ITFG1: variants seen among roughly 807,000 people sequenced by gnomAD.
The protein encoded by ITFG1 is T-cell immunomodulatory protein.
In ITFG1, 34 loss-of-function variants were observed where a neutral mutation model predicts 81.8. That is an observed-to-expected ratio of 0.42 (90% confidence interval 0.32 to 0.55). ITFG1 has a LOEUF of 0.55. Ranked by LOEUF, ITFG1 falls within the 20% of genes least tolerant of loss-of-function variation. The pLI, the probability that ITFG1 is intolerant of heterozygous loss-of-function variation, is 0.17. For synonymous variants in ITFG1, 285 were observed against 270.6 expected (o/e 1.05, Z -0.52); for missense variants, 672 against 755.4 (o/e 0.89, Z 1.29).
In ITFG1 at chr16:47,359,253, ACT is replaced by A. The variant is rs201084895; in HGVS notation, c.802+6533_802+6534del. ...TTAAACAAGGACATGCTAATATCCA[ACT>A]CTGTGTCTCTCCAGAGCTTTTATCT... On this transcript the variant is annotated intron_variant, in intron 8 of 17. Transcript: ENST00000320640. 7.4e-3 allele frequency among the ~76,000 whole-genome samples: 1,130 copies of A among 152,116 alleles called. 18 individuals carry two copies. The highest frequency in any genetic ancestry group is 0.026 in the African/African-American group (1,072 of 41,466).
At chr16:47,388,000 C>G (rs577482820) in intron 6 of ITFG1, among the ~76,000 whole-genome samples, 1 of 150,038 alleles carries the variant, frequency 6.7e-6, no homozygotes, top group Admixed American at 6.6e-5. Flanking sequence ...ATAAAATATC[C>G]ATAGACAGAA....
intron 8 of ITFG1, among the ~76,000 whole-genome samples, chr16:47,341,009 GA>G (rs769764104): frequency 1.4e-4 from 21 of 152,014 alleles, no homozygotes; most frequent in Non-Finnish European, 2.6e-4. Context: ...AATCACAATG[GA>G]ATGAAGCAAA....
chr16:47,383,086 A>T (rs1968415542), intron 6 of ITFG1, among the ~76,000 whole-genome samples: 2 of 152,222 alleles, frequency 1.3e-5, no homozygotes, highest in African/African-American at 4.8e-5. Flanking sequence ...TGTAGATTTA[A>T]TATTTTCAAT....
intron 10 of ITFG1, among the ~76,000 whole-genome samples, chr16:47,288,345 T>A (rs1423309837): frequency 6.6e-6 from 1 of 152,236 alleles, no homozygotes; most frequent in African/African-American, 2.4e-5. Context: ...ATTCATCTCT[T>A]GATGAATAGT....
chr16:47,165,131 T>C (rs1401533967), intron 14 of ITFG1, among the ~76,000 whole-genome samples: 1 of 152,246 alleles, frequency 6.6e-6, no homozygotes, highest in Non-Finnish European at 1.5e-5. Context: ...AATCTTTCCC[T>C]ATTGTAATTC....
At chr16:47,454,358 AT>A (rs1240643080) in intron 2 of ITFG1, among the ~76,000 whole-genome samples, 200 bp from the exon 3 acceptor site, 1 of 152,196 alleles carries the variant, frequency 6.6e-6, no homozygotes, top group East Asian at 1.9e-4. Flanking sequence ...TGAATGCAGA[AT>A]AGTCTCAAGA....
At chr16:47,397,020 T>C (rs1385767573) in intron 6 of ITFG1, among the ~76,000 whole-genome samples, 1 of 152,024 alleles carries the variant, frequency 6.6e-6, no homozygotes, top group Non-Finnish European at 1.5e-5. Flanking sequence ...TGATAGATGC[T>C]AGTAATAAAA....
chr16:47,220,692 T>A (rs1965680481), intron 13 of ITFG1, among the ~76,000 whole-genome samples: 1 of 152,156 alleles, frequency 6.6e-6, no homozygotes. Flanking sequence ...AACCAAAATT[T>A]CCAAAATGAC....
At chr16:47,245,861 G>A (rs1965996435) in intron 12 of ITFG1, among the ~76,000 whole-genome samples, 1 of 150,682 alleles carries the variant, frequency 6.6e-6, no homozygotes, top group Admixed American at 6.6e-5. Flanking sequence ...AGAGGAAACT[G>A]AAGAACTGAA....
intron 8 of ITFG1, among the ~76,000 whole-genome samples, chr16:47,330,487 A>G (rs1009303386): frequency 9.9e-5 from 15 of 152,098 alleles, no homozygotes; most frequent in African/African-American, 3.6e-4. Flanking sequence ...CAAGAAACAA[A>G]TAAACAAACC....
chr16:47,368,524 C>A (rs1171539143), intron 7 of ITFG1, among the ~76,000 whole-genome samples: 1 of 125,216 alleles, frequency 8.0e-6, no homozygotes, highest in Non-Finnish European at 1.6e-5. Flanking sequence ...TCACTGTACT[C>A]CAGCCTGGGT....
At chr16:47,170,757 A>C (rs1207570893) in intron 14 of ITFG1, among the ~76,000 whole-genome samples, 1 of 105,744 alleles carries the variant, frequency 9.5e-6, no homozygotes, top group African/African-American at 3.8e-5. Flanking sequence ...TTTTTTTGAG[A>C]TGGAGACTCA....
chr16:47,460,808 G>C (rs747065637), intron 1 of ITFG1, 30 bp downstream of exon 1: 1 of 1,608,472 alleles, frequency 6.2e-7, no homozygotes, highest in East Asian at 2.2e-5. Flanking sequence ...CACGGACAGC[G>C]AACAGAGGGA....
rs186278979 is a variant in ITFG1, at chr16:47,211,076, G to A, written c.1453+7792C>T. Among the ~76,000 whole-genome samples the A allele has an allele frequency of 2.3e-3, 344 of 152,182 alleles. 3 individuals are homozygous for A. The highest frequency in any genetic ancestry group is 2.7e-3 in the Non-Finnish European group (181 of 67,980). On this transcript the variant is annotated intron_variant, in intron 14 of 17. Transcript: ENST00000320640. ...ATCTACAAAATATCCTTCCGGGGAC[G>A]TGGAAAGGAATTGTGTTAAACCTGC...
chr16:47,366,557 CCAAA>C (rs1968180218), intron 7 of ITFG1, among the ~76,000 whole-genome samples: 1 of 152,138 alleles, frequency 6.6e-6, no homozygotes, highest in African/African-American at 2.4e-5. Flanking sequence ...CATCTGATTA[CCAAA>C]AATAATATGC....
In ITFG1 at chr16:47,332,616, A is replaced by C. The variant is rs567860240; in HGVS notation, c.803-18793T>G. 4.6e-5 allele frequency among the ~76,000 whole-genome samples: 7 copies of C among 152,318 alleles called. No homozygotes were observed. In the South Asian group the frequency reaches 8.3e-4, roughly 18 times the overall value. ...TTCAAATTACATATGTTAGAACTAT[A>C]AAAGGCCATAGAAATTATGTCCTTT... On this transcript the variant is annotated intron_variant, in intron 8 of 17. Transcript: ENST00000320640.
intron 5 of ITFG1, among the ~76,000 whole-genome samples, chr16:47,429,681 C>G (rs958902984): frequency 6.6e-6 from 1 of 152,182 alleles, no homozygotes; most frequent in Non-Finnish European, 1.5e-5. Context: ...GCTAATGATG[C>G]TGAACATGTT....
At chr16:47,214,898 C>A (rs1052332514) in intron 14 of ITFG1, among the ~76,000 whole-genome samples, 1 of 149,302 alleles carries the variant, frequency 6.7e-6, no homozygotes, top group Non-Finnish European at 1.5e-5. Flanking sequence ...AAAACTACAT[C>A]CTATGTTATT....
At chr16:47,409,595 T>C (rs1968783621) in intron 6 of ITFG1, among the ~76,000 whole-genome samples, 1 of 149,434 alleles carries the variant, frequency 6.7e-6, no homozygotes, top group Non-Finnish European at 1.5e-5. Flanking sequence ...TTTGTATTTT[T>C]TTTTGTAGAG....
Sources: allele counts gnomAD v4.1 joint callset (sites outside exome capture counted in the v4.1 genomes callset), GRCh38; gene constraint gnomAD v4.1.1; transcripts MANE v1.5; gene names NCBI Gene and HGNC (gene_info 2026-07-23, HGNC 2026-07-21).